The following CCDC150 variants were observed in gnomAD, a reference collection of about 807,000 sequenced individuals.
The protein encoded by CCDC150 is coiled-coil domain-containing protein 150.
In CCDC150, 151 loss-of-function variants were observed where a neutral mutation model predicts 156.5. The ratio of observed to expected loss-of-function variants is 0.97; its 90% confidence interval spans 0.85 to 1.10. CCDC150 has a LOEUF of 1.10. Among genes scored for constraint, CCDC150 ranks in the 50% least tolerant of loss-of-function variants. The pLI is 0.00. For missense variants in CCDC150, 1,312 were observed against 1,268.1 expected, an observed-to-expected ratio of 1.03 and a Z score of -0.53; for synonymous variants, 452 against 429.4, an observed-to-expected ratio of 1.05 and a Z score of -0.65.
intron 21 of CCDC150, 132 bp from the exon 22 acceptor site, chr2:196,725,841 C>A: frequency 1.4e-6 from 1 of 704,228 alleles, no homozygotes; most frequent in Non-Finnish European, 2.2e-6. Flanking sequence ...TAGTGAGGTT[C>A]ACCAGGCTAC....
intron 13 of CCDC150, among the ~76,000 whole-genome samples, chr2:196,680,494 G>A (rs562904620): frequency 8.5e-5 from 13 of 152,178 alleles, no homozygotes; most frequent in African/African-American, 2.7e-4. Context: ...TAGAGACGGA[G>A]TTTTGTTATG....
At chr2:196,647,437 GT>G (rs1242148824) in intron 2 of CCDC150, among the ~76,000 whole-genome samples, 1 of 151,628 alleles carries the variant, frequency 6.6e-6, no homozygotes, top group Non-Finnish European at 1.5e-5. Context: ...TTTATCACTT[GT>G]TTCTACATAA....
At chr2:196,713,151 G>C (rs1697253521) in intron 17 of CCDC150, 2 of 708,442 alleles carry the variant, frequency 2.8e-6, no homozygotes, top group Non-Finnish European at 4.2e-6. Context: ...CTCTCTGACA[G>C]GGAAGTTGGC....
In CCDC150 at chr2:196,721,509, TTC is replaced by T. The variant is rs759079175; in HGVS notation, c.2260-7_2260-6del. On this transcript the variant is annotated splice_polypyrimidine_tract_variant and intron_variant, in intron 20 of 27. Coordinates refer to ENST00000389175, the MANE Select transcript of CCDC150 (RefSeq NM_001080539.2). ...CATTACAGTGGAATTGAAAACATGC[TTC>T]TCTCTTTCAGATTGAATCTCTACAA... 1 of 1,585,836 alleles carries T rather than the reference TTC, an allele frequency of 6.3e-7. No individual in the cohort carries two copies. Among genetic ancestry groups the T allele is most frequent in the Non-Finnish European group, 8.6e-7 (1 of 1,167,978 alleles).
chr2:196,712,276 G>A (rs751154600), intron 16 of CCDC150, 24 bp downstream of exon 16: 16 of 1,245,898 alleles, frequency 1.3e-5, no homozygotes, highest in East Asian at 7.5e-5. Context: ...CTACAAAAGC[G>A]GATTGCTGCT....
chr2:196,732,755 C>A lies in CCDC150; in HGVS notation c.*193C>A. On this transcript the variant is annotated 3_prime_UTR_variant, in exon 28 of 28. Coordinates refer to ENST00000389175, the MANE Select transcript of CCDC150 (RefSeq NM_001080539.2). ...AACTACCCCTTTTTTTGTCCCTTTT[C>A]ACATTTTCCACCCAATAAATTTGTG... 1 of 396,348 alleles carries A rather than the reference C, an allele frequency of 2.5e-6. No individual in the cohort carries two copies. The highest frequency in any genetic ancestry group is 4.7e-5 in the South Asian group (1 of 21,058). The allele number at this position is 396,348 out of a possible 1,614,324, so 24.6% of individuals were successfully genotyped here.
chr2:196,663,907 G>T (rs1693693144), intron 5 of CCDC150, among the ~76,000 whole-genome samples: 1 of 151,920 alleles, frequency 6.6e-6, no homozygotes, highest in Non-Finnish European at 1.5e-5. Flanking sequence ...AGCATTCTCT[G>T]CAATTCCCAT....
intron 7 of CCDC150, chr2:196,667,183 T>C: frequency 3.1e-6 from 1 of 321,592 alleles, no homozygotes; most frequent in South Asian, 3.4e-5. Flanking sequence ...AATAGAATAT[T>C]AGTAAGGTAG....
intron 2 of CCDC150, among the ~76,000 whole-genome samples, chr2:196,651,289 A>G (rs546259126): frequency 7.2e-5 from 11 of 152,342 alleles, no homozygotes; most frequent in East Asian, 3.9e-4. Context: ...TTCGTCTTTT[A>G]ACCTGTATAC....
intron 17 of CCDC150, chr2:196,713,197 G>T (rs2125693315): frequency 1.8e-6 from 2 of 1,114,766 alleles, no homozygotes; most frequent in Non-Finnish European, 2.4e-6. Context: ...ATATTTTACA[G>T]TGTGATCTCT....
At chr2:196,705,626 G>A (rs948514778) in intron 15 of CCDC150, among the ~76,000 whole-genome samples, 3 of 152,064 alleles carry the variant, frequency 2.0e-5, no homozygotes, top group Non-Finnish European at 2.9e-5. Flanking sequence ...AGTCTTTGCC[G>A]AGGCCTATGT....
chr2:196,675,077 A>G (rs964538254), intron 10 of CCDC150, among the ~76,000 whole-genome samples: 2 of 152,154 alleles, frequency 1.3e-5, no homozygotes, highest in East Asian at 3.8e-4. Context: ...GAGTCAATGT[A>G]TATAATCATT....
chr2:196,683,531 T>TG (rs1223764923), intron 13 of CCDC150, among the ~76,000 whole-genome samples: 1 of 152,130 alleles, frequency 6.6e-6, no homozygotes, highest in East Asian at 1.9e-4. Flanking sequence ...TAAAACCATT[T>TG]GGTAAGTATT....
At chr2:196,658,027 T>C (rs1479507464) in intron 4 of CCDC150, among the ~76,000 whole-genome samples, 2 of 152,116 alleles carry the variant, frequency 1.3e-5, no homozygotes, top group Admixed American at 1.3e-4. Flanking sequence ...AAATCAGAAA[T>C]AATTAGTAGT....
chr2:196,669,807 T>G, intron 7 of CCDC150, 26 bp from the exon 8 acceptor site: 1 of 1,504,858 alleles, frequency 6.6e-7, no homozygotes, highest in Non-Finnish European at 9.2e-7. Context: ...ACTATTATCA[T>G]AGTTATGTGG....
chr2:196,729,445 A>G (rs751092773), intron 23 of CCDC150, 58 bp downstream of exon 23: 22 of 1,530,578 alleles, frequency 1.4e-5, no homozygotes, highest in Admixed American at 3.4e-5. Flanking sequence ...TAGTCAGTCA[A>G]TGGTGTCTAG....
intron 10 of CCDC150, 52 bp from the exon 11 acceptor site, chr2:196,676,091 T>C: frequency 2.5e-6 from 4 of 1,591,788 alleles, no homozygotes; most frequent in Non-Finnish European, 3.4e-6. Context: ...AATGACACCC[T>C]ATCAAAAGAC....
intron 2 of CCDC150, 90 bp downstream of exon 2, chr2:196,646,594 T>C (rs1692555235): frequency 1.1e-6 from 1 of 919,824 alleles, no homozygotes; most frequent in African/African-American, 1.6e-5. Flanking sequence ...AGATGGATAT[T>C]TGCAAAAGAA....
chr2:196,732,531 A>G lies in CCDC150; in HGVS notation c.3275A>G (p.Lys1092Arg), dbSNP rs1575994981. The G allele has an allele frequency of 6.2e-7, 1 of 1,613,346 alleles. No individual in the cohort carries two copies. The highest frequency in any genetic ancestry group is 8.5e-7 in the Non-Finnish European group (1 of 1,179,326). ...AAACAGAATCTTAGGCCCATGCCCA[A>G]GAAGTATCATTCTGAGGTACAGAGG... ...ERKQNLRPMP[K>R]KYHSEVQRK The change falls in exon 28 of 28, where the codon AAG becomes AGG. Residue 1092 changes from lysine to arginine, a missense_variant. Lys to Arg is a conservative substitution (Grantham distance 26). Coordinates refer to ENST00000389175, the MANE Select transcript of CCDC150 (RefSeq NM_001080539.2).
Sources: allele counts gnomAD v4.1 joint callset (sites outside exome capture counted in the v4.1 genomes callset), GRCh38; gene constraint gnomAD v4.1.1; transcripts MANE v1.5; gene names NCBI Gene and HGNC (gene_info 2026-07-23, HGNC 2026-07-21).